The following GPC3 variants were observed in gnomAD, a reference collection of about 807,000 sequenced individuals.
The protein encoded by GPC3 is glypican-3.
Under a neutral mutation model 34.4 loss-of-function variants are expected in GPC3, and 3 were observed. That is an observed-to-expected ratio of 0.09 (90% confidence interval 0.04 to 0.23). The LOEUF is 0.23. Among genes scored for constraint, GPC3 ranks in the 10% least tolerant of loss-of-function variants. The pLI, the probability that GPC3 is intolerant of heterozygous loss-of-function variation, is 1.00. For synonymous variants in GPC3, 177 were observed against 174.0 expected, an observed-to-expected ratio of 1.02 and a Z score of -0.13; for missense variants, 351 against 445.6, an observed-to-expected ratio of 0.79 and a Z score of 1.91.
intron 2 of GPC3, among the ~76,000 whole-genome samples, chrX:133,911,304 T>C (rs1235400937): frequency 8.9e-6 from 1 of 112,044 alleles, no homozygotes; most frequent in Non-Finnish European, 1.9e-5. Flanking sequence ...ACTGTGCTAG[T>C]TGTGAACAGA....
In GPC3 at chrX:133,754,019, G is replaced by A. The variant is rs773282423; in HGVS notation, c.495C>T (p.Asp165=). 3 of 1,210,555 alleles carry A rather than the reference G, an allele frequency of 2.5e-6. No homozygotes were observed. Among genetic ancestry groups the A allele is most frequent in the Admixed American group, 4.3e-5 (2 of 45,987 alleles). ...YILGSDINVD[D]MVNELFDSLF... ...GGCTGTCAAACAATTCATTGACCAT[G>A]TCATCTACATTGATGTCAGAACCCA... The change falls in exon 3 of 8, where the codon GAC becomes GAT. Residue 165 remains aspartate, a synonymous_variant. Coordinates refer to ENST00000370818, the MANE Select transcript of GPC3 (RefSeq NM_004484.4).
chrX:133,738,297 T>C (rs898116666), intron 3 of GPC3, among the ~76,000 whole-genome samples: 1 of 111,866 alleles, frequency 8.9e-6, no homozygotes, highest in African/African-American at 3.3e-5. Flanking sequence ...TGTACTCCTG[T>C]TAAACTCCCT....
At chrX:133,825,647 T>C (rs1366173853) in intron 2 of GPC3, among the ~76,000 whole-genome samples, 2 of 111,342 alleles carry the variant, frequency 1.8e-5, no homozygotes, top group African/African-American at 6.5e-5. Flanking sequence ...AAAGAAGATA[T>C]CCACAGGGGC....
rs1289938202 is a variant in GPC3 at position 133,671,242 on chromosome X, A to G, written c.1293-9392T>C. 3 of 1,127,140 alleles carry G rather than the reference A, an allele frequency of 2.7e-6. No individual in the cohort carries two copies. In the East Asian group the frequency reaches 8.9e-5, roughly 34 times the overall value. The allele number at this position is 1,127,140 out of a possible 1,213,427, so 92.9% of individuals were successfully genotyped here. On this transcript the variant is annotated intron_variant, in intron 5 of 7. Coordinates refer to ENST00000370818, the MANE Select transcript of GPC3 (RefSeq NM_004484.4). The stretch of plus-strand genomic sequence containing the variant: ...CCCTGGATTATGCAAAGAAAAATGA[A>G]CCCAAACATAGACTTGCAAGACATG...
At chrX:133,559,950 C>T (rs1030350246) in intron 7 of GPC3, among the ~76,000 whole-genome samples, 1 of 111,094 alleles carries the variant, frequency 9.0e-6, no homozygotes. Context: ...CTCTCTTTTT[C>T]TCTCTCTAAT....
chrX:133,982,194 A>C (rs1344427426), intron 1 of GPC3, among the ~76,000 whole-genome samples: 1 of 112,175 alleles, frequency 8.9e-6, no homozygotes, highest in Non-Finnish European at 1.9e-5. Context: ...TAGGTTAAGC[A>C]AAACAAAATA....
chrX:133,766,840 C>T (rs190800350), intron 2 of GPC3, among the ~76,000 whole-genome samples: 197 of 112,302 alleles, frequency 1.8e-3, no homozygotes, highest in Non-Finnish European at 2.6e-3. Context: ...TCAAGATTAG[C>T]TTTAGGTATA....
At chrX:133,958,611 C>T (rs138116406) in intron 1 of GPC3, among the ~76,000 whole-genome samples, 3,958 of 102,396 alleles carry the variant, frequency 0.039, 67 homozygotes, top group East Asian at 0.11. Flanking sequence ...GAAAACGTTA[C>T]ATCTGTACAC....
rs1280363418 is a variant in GPC3, at chrX:133,624,651, A to T, written c.1414-28052T>A. Among the ~76,000 whole-genome samples, 9 of 111,564 alleles carry T rather than the reference A, an allele frequency of 8.1e-5. No homozygotes were observed. In the East Asian group the frequency reaches 2.5e-3, roughly 32 times the overall value. On this transcript the variant is annotated intron_variant, in intron 6 of 7. Coordinates refer to ENST00000370818, the MANE Select transcript of GPC3 (RefSeq NM_004484.4). Reference sequence around the variant, plus strand: ...TGAATAGACCAATAACAGTCTCTGAAATTGAGGCAATAATTAATAGCCTAC... The same window carrying T: ...TGAATAGACCAATAACAGTCTCTGATATTGAGGCAATAATTAATAGCCTAC...
intron 2 of GPC3, among the ~76,000 whole-genome samples, chrX:133,868,881 T>A (rs929934264): frequency 2.0e-4 from 22 of 111,777 alleles, no homozygotes; most frequent in African/African-American, 6.8e-4. Context: ...CTCCTCCCCA[T>A]CTGTATCTAC....
At chrX:133,970,093 C>G (rs186553532) in intron 1 of GPC3, among the ~76,000 whole-genome samples, 1 of 111,931 alleles carries the variant, frequency 8.9e-6, no homozygotes, top group East Asian at 2.8e-4. Context: ...CTTTTTGGTT[C>G]AAGAACTCAG....
At chrX:133,697,232 G>A (rs2071126562) in intron 4 of GPC3, among the ~76,000 whole-genome samples, 1 of 111,912 alleles carries the variant, frequency 8.9e-6, no homozygotes, top group Admixed American at 9.5e-5. Context: ...AAAGTAATAT[G>A]AGCTTATTAT....
At chrX:133,576,449 A>T (rs368955731) in intron 7 of GPC3, among the ~76,000 whole-genome samples, 241 of 110,937 alleles carry the variant, frequency 2.2e-3, no homozygotes, top group African/African-American at 7.3e-3. Flanking sequence ...CATGTTGGCC[A>T]GGCTGGTCTC....
At chrX:133,867,543 G>A (rs1485795210) in intron 2 of GPC3, among the ~76,000 whole-genome samples, 1 of 109,037 alleles carries the variant, frequency 9.2e-6, no homozygotes, top group Non-Finnish European at 1.9e-5. Flanking sequence ...TGGAGGGCAG[G>A]CTTCTATCTC....
intron 3 of GPC3, among the ~76,000 whole-genome samples, chrX:133,720,784 A>G (rs897388171): frequency 9.9e-5 from 11 of 111,497 alleles, no homozygotes; most frequent in South Asian, 3.8e-4. Flanking sequence ...GAAGTAACTC[A>G]GGAATGGAAA....
intron 2 of GPC3, among the ~76,000 whole-genome samples, chrX:133,942,071 T>C (rs1188379095): frequency 2.7e-5 from 3 of 111,844 alleles, no homozygotes; most frequent in Non-Finnish European, 5.6e-5. Context: ...CTAATCTCCA[T>C]GGTGTGCTTA....
chrX:133,746,858 AAC>A (rs1160608777), intron 3 of GPC3, among the ~76,000 whole-genome samples: 1 of 112,144 alleles, frequency 8.9e-6, no homozygotes, highest in East Asian at 2.8e-4. Flanking sequence ...TGAGGAGAAA[AAC>A]ACTGACATTC....
chrX:133,821,070 C>G (rs1365494200), intron 2 of GPC3, among the ~76,000 whole-genome samples: 2 of 112,162 alleles, frequency 1.8e-5, no homozygotes, highest in Non-Finnish European at 3.8e-5. Flanking sequence ...CAAGTGTATA[C>G]AAAGTGATCT....
At chrX:133,904,018 G>A (rs761959088) in intron 2 of GPC3, among the ~76,000 whole-genome samples, 6 of 112,288 alleles carry the variant, frequency 5.3e-5, no homozygotes, top group Admixed American at 9.4e-5. Context: ...CTGAGCAACA[G>A]CCGTGCCAGT....
Sources: gnomAD v4.1 joint callset for allele counts (sites outside exome capture counted in the v4.1 genomes callset) on GRCh38, gnomAD v4.1.1 for gene constraint, MANE v1.5 for transcripts, NCBI Gene and HGNC (gene_info 2026-07-23, HGNC 2026-07-21) for gene names.